The following CTNNA3 variants were observed in gnomAD, a reference collection of about 807,000 sequenced individuals.
CTNNA3 encodes catenin alpha 3.
A neutral mutation model predicts 95.7 loss-of-function variants in CTNNA3; 76 were observed. The ratio of observed to expected loss-of-function variants is 0.79; its 90% CI spans 0.66 to 0.96. The LOEUF is 0.96. Among genes scored for constraint, CTNNA3 ranks in the 40% least tolerant of loss-of-function variants. The pLI is 0.00. For missense variants in CTNNA3, 1,191 were observed against 1,089.8 expected, an observed-to-expected ratio of 1.09 and a Z score of -1.31; for synonymous variants, 431 against 374.4, an observed-to-expected ratio of 1.15 and a Z score of -1.74.
chr10:66,359,830 ATT>A (rs10606849), intron 12 of CTNNA3, among the ~76,000 whole-genome samples: 75,144 of 143,776 alleles, frequency 0.52, 20,356 homozygotes, highest in Non-Finnish European at 0.61. Flanking sequence ...TCATCTTACT[ATT>A]TTTTTTTTTT....
At chr10:67,566,039 G>GTATATATATATATATATATA (rs1437054675) in intron 3 of CTNNA3, among the ~76,000 whole-genome samples, 2 of 19,882 alleles carry the variant, frequency 1.0e-4, no homozygotes, top group South Asian at 3.0e-3. Context: ...ACATATGTGT[G>GTATATATATATATATATATA]TGTGTATATA....
At chr10:66,033,982 C>T (rs970704116) in intron 15 of CTNNA3, among the ~76,000 whole-genome samples, 1 of 152,162 alleles carries the variant, frequency 6.6e-6, no homozygotes, top group African/African-American at 2.4e-5. Context: ...AAGATATTTT[C>T]TCCATGCCTC....
At chr10:66,228,093 T>A (rs7079105) in intron 13 of CTNNA3, among the ~76,000 whole-genome samples, 32,513 of 152,024 alleles carry the variant, frequency 0.21, 3,653 homozygotes, top group South Asian at 0.29. Flanking sequence ...CTGTTCAATT[T>A]TGATTATCTT....
At chr10:67,473,874 C>A (rs907285003) in intron 5 of CTNNA3, among the ~76,000 whole-genome samples, 1 of 151,996 alleles carries the variant, frequency 6.6e-6, no homozygotes, top group Non-Finnish European at 1.5e-5. Context: ...AAATTTAAAT[C>A]TATTGGAACT....
chr10:66,392,781 A>G (rs2092944247), intron 11 of CTNNA3, among the ~76,000 whole-genome samples: 1 of 152,136 alleles, frequency 6.6e-6, no homozygotes, highest in South Asian at 2.1e-4. Flanking sequence ...ATCGCTGAAG[A>G]GAATGTAAAA....
At chr10:67,562,625 G>A (rs1333898470) in intron 3 of CTNNA3, among the ~76,000 whole-genome samples, 1 of 152,176 alleles carries the variant, frequency 6.6e-6, no homozygotes, top group Non-Finnish European at 1.5e-5. Flanking sequence ...CATAGTGTTG[G>A]AAGTTCTGGC....
chr10:66,691,899 G>A (rs1358631537), intron 9 of CTNNA3, among the ~76,000 whole-genome samples: 2 of 150,136 alleles, frequency 1.3e-5, no homozygotes, highest in African/African-American at 2.5e-5. Flanking sequence ...GCAGCTGAGG[G>A]TCCTGTCTGT....
chr10:66,383,651 C>T (rs757552376), intron 11 of CTNNA3, among the ~76,000 whole-genome samples: 11 of 152,152 alleles, frequency 7.2e-5, no homozygotes, highest in East Asian at 1.9e-4. Flanking sequence ...TTGTCAGATT[C>T]ACCAAGGTTG....
Position 66,069,318 on chromosome 10 carries a change from C to A in CTNNA3, c.2149G>T (p.Asp717Tyr). 2.5e-6 allele frequency: 4 copies of A among 1,613,264 alleles called. 1 individual carries two copies. In the South Asian group the frequency reaches 4.4e-5, roughly 18 times the overall value. The change falls in exon 15 of 18, where the codon GAC (aspartate) becomes TAC (tyrosine). Residue 717 changes from aspartate (D) to tyrosine (Y), a missense_variant. Physicochemically the swap from Asp to Tyr is radical, Grantham distance 160. Coordinates refer to ENST00000433211, the MANE Select transcript of CTNNA3 (RefSeq NM_013266.4). ...TTTCCACATAATTACCTAGTGAAGTCTGTCATCTCCATCATGATCATACAC... is the reference window on the plus strand; with the variant it reads ...TTTCCACATAATTACCTAGTGAAGTATGTCATCTCCATCATGATCATACAC... ...NMCMIMMEMT[D>Y]FTRGKGPLKH...
chr10:66,741,008 C>T (rs556156619), intron 9 of CTNNA3, among the ~76,000 whole-genome samples: 2 of 152,266 alleles, frequency 1.3e-5, no homozygotes, highest in East Asian at 3.9e-4. Flanking sequence ...CCTAGTGAAA[C>T]AGAATTTTTG....
intron 9 of CTNNA3, among the ~76,000 whole-genome samples, chr10:66,648,725 A>G (rs1204226872): frequency 1.3e-5 from 2 of 152,170 alleles, no homozygotes; most frequent in Non-Finnish European, 2.9e-5. Flanking sequence ...AATACAATTC[A>G]TCGAGAGGTA....
intron 7 of CTNNA3, among the ~76,000 whole-genome samples, chr10:67,066,181 A>T (rs965014631): frequency 7.0e-6 from 1 of 143,726 alleles, no homozygotes; most frequent in Non-Finnish European, 1.5e-5. Context: ...TGCTGTGCCC[A>T]CTGAAGTCAC....
chr10:67,006,831 T>A (rs950974118), intron 7 of CTNNA3, among the ~76,000 whole-genome samples: 1 of 152,060 alleles, frequency 6.6e-6, no homozygotes, highest in African/African-American at 2.4e-5. Flanking sequence ...TCTCACTCTG[T>A]TGCCCAGGCT....
At chr10:66,949,234 AT>A (rs1848417484) in intron 7 of CTNNA3, among the ~76,000 whole-genome samples, 1 of 152,172 alleles carries the variant, frequency 6.6e-6, no homozygotes, top group Non-Finnish European at 1.5e-5. Context: ...AGTTGTGGAA[AT>A]ATTATGATAA....
chr10:66,368,234 A>T (rs1253272750), intron 12 of CTNNA3, among the ~76,000 whole-genome samples: 1 of 152,078 alleles, frequency 6.6e-6, no homozygotes, highest in East Asian at 1.9e-4. Context: ...TCTCATGAAC[A>T]TGAAGCCATT....
rs2092813130 is a variant in CTNNA3, at chr10:66,378,700, G to A, written c.1732+452C>T. Among the ~76,000 whole-genome samples, 3 of 152,272 alleles carry A rather than the reference G, an allele frequency of 2.0e-5. No individual in the cohort carries two copies. In the South Asian group the frequency reaches 6.2e-4, roughly 32 times the overall value. Reference sequence around the variant, plus strand: ...AGATTATGTGCAAGAACAAATTGCTGTTTTGCAAACAGACTGCAGATGAAG... The same window carrying A: ...AGATTATGTGCAAGAACAAATTGCTATTTTGCAAACAGACTGCAGATGAAG... On this transcript the variant is annotated intron_variant, in intron 12 of 17. Coordinates refer to ENST00000433211, the MANE Select transcript of CTNNA3 (RefSeq NM_013266.4).
intron 10 of CTNNA3, among the ~76,000 whole-genome samples, chr10:66,602,611 C>T (rs1589479577): frequency 6.6e-6 from 1 of 151,852 alleles, no homozygotes; most frequent in Non-Finnish European, 1.5e-5. Flanking sequence ...TGAAAAATTA[C>T]CCTGATACCA....
intron 5 of CTNNA3, among the ~76,000 whole-genome samples, chr10:67,432,190 G>GA (rs1259885884): frequency 2.0e-5 from 3 of 151,164 alleles, no homozygotes; most frequent in African/African-American, 2.4e-5. Flanking sequence ...TTTAAAACTA[G>GA]AAAAAAATCA....
At chr10:66,179,659 A>T (rs1458729333) in intron 13 of CTNNA3, among the ~76,000 whole-genome samples, 1 of 152,116 alleles carries the variant, frequency 6.6e-6, no homozygotes, top group Non-Finnish European at 1.5e-5. Flanking sequence ...TCACAAAGGA[A>T]AGCTCTTCTA....
Sources: allele counts gnomAD v4.1 joint callset (sites outside exome capture counted in the v4.1 genomes callset), GRCh38; gene constraint gnomAD v4.1.1; transcripts MANE v1.5; gene names NCBI Gene and HGNC (gene_info 2026-07-23, HGNC 2026-07-21).